Variants in PRPF39 observed in about 807,000 individuals in gnomAD.
PRPF39 encodes pre-mRNA processing factor 39.
PRPF39 carries 27 observed loss-of-function variants against 82.1 expected under a neutral mutation model. The observed-to-expected ratio is 0.33, with a 90% CI of 0.24 to 0.45. The LOEUF (loss-of-function observed/expected upper bound fraction) is 0.45, where lower values mean the gene tolerates loss of function less well. Among genes scored for constraint, PRPF39 ranks in the 20% least tolerant of loss-of-function variants. The pLI is 1.00. For missense variants in PRPF39, 581 were observed against 796.9 expected, an observed-to-expected ratio of 0.73 and a Z score of 3.26; for synonymous variants, 261 against 256.4, an observed-to-expected ratio of 1.02 and a Z score of -0.17.
At chr14:45,113,599 GAT>G (rs1259958421) in intron 11 of PRPF39, among the ~76,000 whole-genome samples, 3 of 152,212 alleles carry the variant, frequency 2.0e-5, no homozygotes, top group African/African-American at 2.4e-5. Context: ...CTGGTTGAAT[GAT>G]ATGATTAACA....
chr14:45,101,803 T>C (rs549141693), intron 4 of PRPF39, among the ~76,000 whole-genome samples: 1 of 151,302 alleles, frequency 6.6e-6, no homozygotes, highest in South Asian at 2.1e-4. Context: ...TTAAAGTATA[T>C]GTATACTTTT....
chr14:45,114,677 CT>C (rs756738349), intron 13 of PRPF39, 63 bp downstream of exon 13: 253 of 1,531,060 alleles, frequency 1.7e-4, no homozygotes, highest in Admixed American at 8.6e-4. Context: ...AGGATAGTTT[CT>C]TTTTTTTTAA....
chr14:45,091,549 T>C (rs527580913), intron 1 of PRPF39, among the ~76,000 whole-genome samples: 1 of 152,208 alleles, frequency 6.6e-6, no homozygotes, highest in Admixed American at 6.5e-5. Flanking sequence ...AAAACTAATA[T>C]GACAAACTTA....
intron 5 of PRPF39, among the ~76,000 whole-genome samples, chr14:45,102,913 T>C (rs1404589066): frequency 6.6e-6 from 1 of 152,218 alleles, no homozygotes; most frequent in African/African-American, 2.4e-5. Context: ...TAGAAGTTTC[T>C]CCTTATTCAT....
chr14:45,100,288 T>G (rs1345352743), intron 4 of PRPF39, among the ~76,000 whole-genome samples: 1 of 152,094 alleles, frequency 6.6e-6, no homozygotes, highest in Non-Finnish European at 1.5e-5. Flanking sequence ...ATGGAAGCAC[T>G]GTGTGTTTTG....
At chr14:45,104,211 CA>C (rs1298212350) in intron 5 of PRPF39, among the ~76,000 whole-genome samples, 1 of 152,014 alleles carries the variant, frequency 6.6e-6, no homozygotes, top group Non-Finnish European at 1.5e-5. Flanking sequence ...TTTAAGTTGT[CA>C]GTTACCCTAG....
At position 45,110,763 on chromosome 14, in the gene PRPF39, G is replaced by T. The variant is rs1884674116; in HGVS notation, c.1518G>T (p.Gln506His). The change falls in exon 10 of 14, where the codon CAG becomes CAT. Residue 506 changes from glutamine to histidine, a missense_variant. Transcript: ENST00000355765. This position sits in a 1 kb window ranked among gnomAD's most constrained non-coding sequence, Gnocchi z 4.0. ...VKLARHLFKIQKNLPKSRKVL... is the reference protein window; with the variant it reads ...VKLARHLFKIHKNLPKSRKVL... ...TAGCCCGGCATCTTTTCAAAATACAGAAAAACCTTCCAAAATCAAGAAAGG... is the reference window on the plus strand; with the variant it reads ...TAGCCCGGCATCTTTTCAAAATACATAAAAACCTTCCAAAATCAAGAAAGG... 6.4e-7 allele frequency: 1 copy of T among 1,554,658 alleles called. No homozygotes were observed. The highest frequency in any genetic ancestry group is 8.7e-7 in the Non-Finnish European group (1 of 1,148,464).
At position 45,096,235 on chromosome 14, in the gene PRPF39, A is replaced by G; in HGVS notation, c.450+7A>G. On this transcript the variant is annotated splice_region_variant and intron_variant, in intron 3 of 13. Transcript: ENST00000355765. ...CATTAAACCATCAGATGAGGTGCGT[A>G]CATCACTGAATAAACTTATCTCCAA... 1 of 1,586,600 alleles carries G rather than the reference A, an allele frequency of 6.3e-7. No homozygotes were observed. Among genetic ancestry groups the G allele is most frequent in the Non-Finnish European group, 8.6e-7 (1 of 1,166,016 alleles).
intron 4 of PRPF39, 107 bp from the exon 5 acceptor site, chr14:45,102,422 A>G (rs1884405996): frequency 1.1e-6 from 1 of 885,476 alleles, no homozygotes; most frequent in African/African-American, 1.7e-5. Context: ...CATAGGAAGC[A>G]GTTGAATATA....
chr14:45,092,099 C>T (rs1884047065), intron 1 of PRPF39, among the ~76,000 whole-genome samples: 1 of 152,170 alleles, frequency 6.6e-6, no homozygotes. Flanking sequence ...TTGTGATTGT[C>T]CCTTTTTATC....
intron 1 of PRPF39, among the ~76,000 whole-genome samples, chr14:45,090,738 G>A (rs1384221189): frequency 6.6e-6 from 1 of 152,092 alleles, no homozygotes; most frequent in Non-Finnish European, 1.5e-5. Flanking sequence ...GTGTTTGTGT[G>A]TGTGTGTATG....
In PRPF39 at chr14:45,114,514, A is replaced by C. The variant is rs1402632933; in HGVS notation, c.1853A>C (p.Lys618Thr). Reference protein sequence around the residue: ...AENGSEEPEEKKAHTEDTTSS... With the variant: ...AENGSEEPEETKAHTEDTTSS... ...TATAGATCAGAAGAACCAGAGGAAAAGAAAGCACATACAGAAGATACAACT... is the reference window on the plus strand; with the variant it reads ...TATAGATCAGAAGAACCAGAGGAAACGAAAGCACATACAGAAGATACAACT... Residue 618 changes from lysine (K) to threonine (T), a missense_variant, in exon 13 of 14, where the codon AAG (lysine) becomes ACG (threonine). By Grantham distance (78) the Lys-to-Thr change is moderately conservative. Coordinates refer to ENST00000355765, the MANE Select transcript of PRPF39 (RefSeq NM_017922.4). 6.3e-7 allele frequency: 1 copy of C among 1,582,028 alleles called. No individual in the cohort carries two copies. The highest frequency in any genetic ancestry group is 1.2e-5 in the South Asian group (1 of 84,672).
chr14:45,086,730 T>A (rs1883839274), intron 1 of PRPF39, among the ~76,000 whole-genome samples: 1 of 152,126 alleles, frequency 6.6e-6, no homozygotes, highest in African/African-American at 2.4e-5. Flanking sequence ...ACAAAACTGA[T>A]AAGGCCTCAT....
intron 1 of PRPF39, among the ~76,000 whole-genome samples, chr14:45,093,098 T>C (rs899385712): frequency 1.3e-5 from 2 of 152,236 alleles, no homozygotes; most frequent in Admixed American, 1.3e-4. Context: ...TGTAAATCCT[T>C]ACAAATCTGT....
At chr14:45,086,869 T>TA (rs1196141866) in intron 1 of PRPF39, among the ~76,000 whole-genome samples, 6 of 145,722 alleles carry the variant, frequency 4.1e-5, no homozygotes, top group African/African-American at 1.3e-4. Flanking sequence ...TTTTTTTTTT[T>TA]ACTGCAGCCC....
At chr14:45,089,991 G>T (rs1053956467) in intron 1 of PRPF39, among the ~76,000 whole-genome samples, 1 of 152,204 alleles carries the variant, frequency 6.6e-6, no homozygotes, top group South Asian at 2.1e-4. Flanking sequence ...AGATGCAGGG[G>T]TGTGGTAAAT....
chr14:45,100,538 G>T (rs757375430), intron 4 of PRPF39, among the ~76,000 whole-genome samples: 1 of 152,138 alleles, frequency 6.6e-6, no homozygotes, highest in Non-Finnish European at 1.5e-5. Flanking sequence ...TCTTCTAAAC[G>T]TTCTGTCTTC....
intron 1 of PRPF39, among the ~76,000 whole-genome samples, chr14:45,085,131 C>A (rs761340277): frequency 6.6e-6 from 1 of 152,148 alleles, no homozygotes; most frequent in Non-Finnish European, 1.5e-5. Context: ...CATGTTGAAA[C>A]TTAAGTGTTT....
At chr14:45,102,471 ATAT>A in intron 4 of PRPF39, 55 bp from the exon 5 acceptor site, 1 of 1,373,370 alleles carries the variant, frequency 7.3e-7, no homozygotes, top group Non-Finnish European at 9.7e-7. Context: ...TTTAGAAATA[ATAT>A]TTTAAAAGTG....
Sources: allele counts gnomAD v4.1 joint callset (sites outside exome capture counted in the v4.1 genomes callset), GRCh38; gene constraint gnomAD v4.1.1; non-coding constraint Gnocchi (gnomAD v3.1); transcripts MANE v1.5; gene names NCBI Gene and HGNC (gene_info 2026-07-23, HGNC 2026-07-21).